Variants in HEMK2 observed in about 807,000 individuals in gnomAD.
HEMK2 encodes the protein methyltransferase HEMK2.
the HEMK2 span, among the ~76,000 whole-genome samples, chr21:28,779,228 T>C: frequency 3.3e-5 from 5 of 152,138 alleles, no homozygotes; most frequent in Non-Finnish European, 5.9e-5. Context: ...CATCAATGGA[T>C]GGATGGATGG....
the HEMK2 span, among the ~76,000 whole-genome samples, chr21:28,655,060 A>C: frequency 6.6e-6 from 1 of 152,054 alleles, no homozygotes; most frequent in Non-Finnish European, 1.5e-5. Flanking sequence ...TACCAAAAAA[A>C]TCTGAGGCCA....
the HEMK2 span, among the ~76,000 whole-genome samples, chr21:28,613,507 G>A: frequency 6.6e-6 from 1 of 151,332 alleles, no homozygotes; most frequent in African/African-American, 2.4e-5. Flanking sequence ...GGAAACCATT[G>A]TATAGAGAGA....
At chr21:28,754,211 GAGA>G in the HEMK2 span, among the ~76,000 whole-genome samples, 142 of 152,328 alleles carry the variant, frequency 9.3e-4, 1 homozygote, top group Admixed American at 1.9e-3. Flanking sequence ...CCCGAGTGAA[GAGA>G]AGAATGGAAG....
chr21:28,841,185 A>T, the HEMK2 span, among the ~76,000 whole-genome samples: 6 of 22,772 alleles, frequency 2.6e-4, 1 homozygote, highest in East Asian at 0.012. Context: ...ATAAATATAT[A>T]TTATAATATA....
chr21:28,588,546 G>C, the HEMK2 span, among the ~76,000 whole-genome samples: 1 of 152,076 alleles, frequency 6.6e-6, no homozygotes, highest in Non-Finnish European at 1.5e-5. Context: ...TTGTTGGGGT[G>C]GAGAATTCAA....
At chr21:28,654,359 G>A in the HEMK2 span, among the ~76,000 whole-genome samples, 1 of 152,050 alleles carries the variant, frequency 6.6e-6, no homozygotes, top group Non-Finnish European at 1.5e-5. Flanking sequence ...CAGCTTTCAT[G>A]GTTATCTCCA....
the HEMK2 span, among the ~76,000 whole-genome samples, chr21:28,717,040 T>C: frequency 1.3e-5 from 2 of 152,218 alleles, no homozygotes; most frequent in African/African-American, 4.8e-5. Flanking sequence ...TTGAGGATTT[T>C]TGCATCTGTG....
chr21:28,814,223 C>T, the HEMK2 span, among the ~76,000 whole-genome samples: 2 of 151,848 alleles, frequency 1.3e-5, no homozygotes, highest in East Asian at 1.9e-4. Flanking sequence ...GGCGACAGAG[C>T]GAGACTCCAT....
At chr21:28,731,985 G>T in the HEMK2 span, among the ~76,000 whole-genome samples, 2 of 152,190 alleles carry the variant, frequency 1.3e-5, no homozygotes, top group East Asian at 3.9e-4. Context: ...TGGGTGGTAC[G>T]TGTCACTCCT....
the HEMK2 span, among the ~76,000 whole-genome samples, chr21:28,719,007 A>G: frequency 6.6e-6 from 1 of 152,184 alleles, no homozygotes; most frequent in African/African-American, 2.4e-5. Context: ...CCACAAAGCC[A>G]GTCCCCAAAA....
the HEMK2 span, chr21:28,875,536 G>C: frequency 0.17 from 26,860 of 157,820 alleles, 2,404 homozygotes; most frequent in South Asian, 0.23. Context: ...CCAAGTGGCA[G>C]AGCAGCTTGC....
At chr21:28,814,920 C>G in the HEMK2 span, among the ~76,000 whole-genome samples, 16 of 152,186 alleles carry the variant, frequency 1.1e-4, no homozygotes, top group Non-Finnish European at 2.2e-4. Context: ...GCTATAAAAA[C>G]ACATGCACAC....
chr21:28,859,062 G>C, the HEMK2 span, among the ~76,000 whole-genome samples: 2 of 152,076 alleles, frequency 1.3e-5, no homozygotes, highest in Non-Finnish European at 2.9e-5. Context: ...ATTGCCCAAA[G>C]CTTTGTTCAT....
the HEMK2 span, among the ~76,000 whole-genome samples, chr21:28,859,390 T>C: frequency 1.3e-5 from 2 of 152,228 alleles, no homozygotes; most frequent in African/African-American, 2.4e-5. Flanking sequence ...GCTTTGACGT[T>C]TTCCCTGCAC....
the HEMK2 span, among the ~76,000 whole-genome samples, chr21:28,804,920 G>A: frequency 2.0e-5 from 3 of 152,150 alleles, no homozygotes; most frequent in Admixed American, 6.6e-5. Flanking sequence ...AAAGTACCCT[G>A]AGAGTTTCTT....
At chr21:28,830,877 T>C in the HEMK2 span, among the ~76,000 whole-genome samples, 7 of 7,946 alleles carry the variant, frequency 8.8e-4, no homozygotes, top group Non-Finnish European at 1.6e-3. Flanking sequence ...ACTCCATCTT[T>C]AAAAAAAAAA....
the HEMK2 span, among the ~76,000 whole-genome samples, chr21:28,805,624 G>A: frequency 6.6e-6 from 1 of 152,096 alleles, no homozygotes; most frequent in Non-Finnish European, 1.5e-5. Flanking sequence ...TTTCAACTGG[G>A]TAGATGCTTC....
the HEMK2 span, among the ~76,000 whole-genome samples, chr21:28,732,091 ACG>A: frequency 5.3e-5 from 8 of 152,318 alleles, no homozygotes; most frequent in East Asian, 3.9e-4. Flanking sequence ...TTGTTCTAGG[ACG>A]CAGGCTAAAT....
At chr21:28,624,053 A>G in the HEMK2 span, among the ~76,000 whole-genome samples, 1 of 152,170 alleles carries the variant, frequency 6.6e-6, no homozygotes, top group Non-Finnish European at 1.5e-5. Context: ...GTAAGGAAAA[A>G]CTAGAAGGCT....
Sources: gnomAD v4.1 joint callset for allele counts (sites outside exome capture counted in the v4.1 genomes callset) on GRCh38, gnomAD v4.1.1 for gene constraint, MANE v1.5 for transcripts, NCBI Gene and HGNC (gene_info 2026-07-23, HGNC 2026-07-21) for gene names.